The following RPL22 variants were observed in gnomAD, a reference collection of about 807,000 sequenced individuals.
RPL22 encodes large ribosomal subunit protein eL22.
Under a neutral mutation model 16.2 loss-of-function variants are expected in RPL22, and 4 were observed. That is an observed-to-expected ratio of 0.25 (90% CI 0.12 to 0.57). The LOEUF is 0.57. RPL22 is among the 20% of genes least tolerant of loss of function. The pLI, the probability that RPL22 is intolerant of heterozygous loss-of-function variation, is 0.92. For missense variants in RPL22, 83 were observed against 156.1 expected (o/e 0.53, Z 2.49); for synonymous variants, 43 against 54.8 (o/e 0.78, Z 0.95).
At chr1:6,188,405 A>G (rs1323229183) in intron 3 of RPL22, among the ~76,000 whole-genome samples, 1 of 152,070 alleles carries the variant, frequency 6.6e-6, no homozygotes, top group African/African-American at 2.4e-5. Context: ...AAGATGACCT[A>G]AGGGCTGGGC....
chr1:6,187,615 AAAAAAAAAAAAC>A lies in RPL22; in HGVS notation c.243-811_243-800del, dbSNP rs1261770427. ...GGCGACAGAGCAAGACTCCATCTCAAAAAAAAAAAAACAAAAAAAAAAAACAAGAGCAGATAA... is the reference window on the plus strand; with the variant it reads ...GGCGACAGAGCAAGACTCCATCTCAAAAAAAAAAAAAACAAGAGCAGATAA... On this transcript the variant is annotated intron_variant, in intron 3 of 3. Coordinates refer to ENST00000234875, the MANE Select transcript of RPL22 (RefSeq NM_000983.4). 1.0e-3 allele frequency among the ~76,000 whole-genome samples: 151 copies of A among 150,312 alleles called. 1 individual carries two copies. Among genetic ancestry groups the A allele is most frequent in the African/African-American group, 3.3e-3 (135 of 40,962 alleles).
At chr1:6,189,899 C>T (rs139163058) in intron 3 of RPL22, among the ~76,000 whole-genome samples, 1 of 152,156 alleles carries the variant, frequency 6.6e-6, no homozygotes, top group African/African-American at 2.4e-5. Context: ...CCAGCCTAGA[C>T]AAGAAGATCA....
Position 6,185,920 on chromosome 1 carries a change from C to T in RPL22, c.*752G>A, listed in dbSNP as rs11540943. ...CTCCAGAGCTCTTGGCATCAGGGGC[C>T]CCCATTGCTGGGCCCCACACGGGAG... On this transcript the variant is annotated 3_prime_UTR_variant, in exon 4 of 4. Coordinates refer to ENST00000234875, the MANE Select transcript of RPL22 (RefSeq NM_000983.4). The T allele has an allele frequency of 8.7e-6, 2 of 230,836 alleles. No individual in the cohort carries two copies. The highest frequency in any genetic ancestry group is 1.7e-5 in the Non-Finnish European group (2 of 116,612). 14.3% of individuals were successfully genotyped at this position (230,836 alleles called of 1,614,324 possible). A position where few individuals can be genotyped will look rare whatever the true frequency, so the allele number is the denominator to read the frequency against.
At chr1:6,188,711 C>T (rs991665853) in intron 3 of RPL22, among the ~76,000 whole-genome samples, 7 of 152,140 alleles carry the variant, frequency 4.6e-5, no homozygotes, top group South Asian at 4.2e-4. Flanking sequence ...GTTTCTCCCA[C>T]AGTGAAAGGG....
Sources: allele counts gnomAD v4.1 joint callset (sites outside exome capture counted in the v4.1 genomes callset), GRCh38; gene constraint gnomAD v4.1.1; transcripts MANE v1.5; gene names NCBI Gene and HGNC (gene_info 2026-07-23, HGNC 2026-07-21).